The following ADAMTS18 variants were observed in gnomAD, a reference collection of about 807,000 sequenced individuals.
ADAMTS18 encodes the protein ADAM metallopeptidase with thrombospondin type 1 motif 18.
A neutral mutation model predicts 165.9 loss-of-function variants in ADAMTS18; 157 were observed. That is an observed-to-expected ratio of 0.95 (90% CI 0.83 to 1.08). The LOEUF is 1.08. Among genes scored for constraint, ADAMTS18 ranks in the 50% least tolerant of loss-of-function variants. ADAMTS18 has a pLI of 0.00. For synonymous variants in ADAMTS18, 782 were observed against 578.2 expected, an observed-to-expected ratio of 1.35 and a Z score of -5.06; for missense variants, 2,040 against 1,534.0, an observed-to-expected ratio of 1.33 and a Z score of -5.51.
chr16:77,345,847 C>T lies in ADAMTS18; in HGVS notation c.1615-4048G>A, dbSNP rs895490811. On this transcript the variant is annotated intron_variant, in intron 10 of 22. Coordinates refer to ENST00000282849, the MANE Select transcript of ADAMTS18 (RefSeq NM_199355.4). ...CAACTCAGTGTCAGTCAGCTCATGG[C>T]ACTTTTCTGCTCAAAACCCTGTTAT... 2.0e-5 allele frequency among the ~76,000 whole-genome samples: 3 copies of T among 152,170 alleles called. No individual in the cohort carries two copies. The East Asian group carries it at 5.8e-4, about 29-fold the overall frequency.
chr16:77,432,578 T>C (rs1217536097), intron 2 of ADAMTS18: 1 of 152,202 alleles, frequency 6.6e-6, no homozygotes, highest in East Asian at 1.9e-4. Flanking sequence ...ATATGCCCTC[T>C]GTGCATTAAA....
At chr16:77,403,792 AG>A (rs1267216508) in intron 3 of ADAMTS18, among the ~76,000 whole-genome samples, 1 of 152,210 alleles carries the variant, frequency 6.6e-6, no homozygotes, top group Non-Finnish European at 1.5e-5. Context: ...CAGTCTAGTG[AG>A]AGACAAATAA....
intron 12 of ADAMTS18, 97 bp from the exon 13 acceptor site, chr16:77,326,135 GC>G: frequency 8.3e-7 from 1 of 1,199,874 alleles, no homozygotes; most frequent in Non-Finnish European, 1.2e-6. Flanking sequence ...GATGAGCACT[GC>G]CACAGTGTAT....
chr16:77,427,467 A>G (rs2057688060), intron 3 of ADAMTS18, among the ~76,000 whole-genome samples: 1 of 152,216 alleles, frequency 6.6e-6, no homozygotes, highest in South Asian at 2.1e-4. Flanking sequence ...TGTGCTAGTC[A>G]GAGGGAGGCT....
chr16:77,370,207 T>C, intron 3 of ADAMTS18, among the ~76,000 whole-genome samples: 1 of 152,160 alleles, frequency 6.6e-6, no homozygotes, highest in Non-Finnish European at 1.5e-5. Flanking sequence ...CCACTTCTAT[T>C]CTACATAGTA....
At chr16:77,295,737 T>G (rs936093655) in intron 18 of ADAMTS18, among the ~76,000 whole-genome samples, 2 of 152,230 alleles carry the variant, frequency 1.3e-5, no homozygotes, top group Non-Finnish European at 2.9e-5. Flanking sequence ...CTGAATTTAG[T>G]GATAGGTTAA....
chr16:77,296,006 A>T (rs201407526), intron 18 of ADAMTS18, among the ~76,000 whole-genome samples: 1 of 98,538 alleles, frequency 1.0e-5, no homozygotes, highest in South Asian at 3.4e-4. Flanking sequence ...AGAAAAAAAA[A>T]AGTGTGTGTG....
rs781391093 is a variant in ADAMTS18, at chr16:77,367,546, G to C, written c.673C>G (p.Pro225Ala). 1.2e-6 allele frequency: 2 copies of C among 1,614,252 alleles called. No homozygotes were observed. The highest frequency in any genetic ancestry group is 3.3e-5 in the Admixed American group (2 of 60,034). ...GGAATGTGACTTGGGGAGTAACCAG[G>C]ATAATTCCGGCCAGAGCCGGGGTAG... ...RGYPGSGRNY[P>A]GYSPSHIPHA... Residue 225 changes from proline (P) to alanine (A), a missense_variant, in exon 4 of 23, where the codon CCT (proline) becomes GCT (alanine). Transcript: ENST00000282849.
At chr16:77,343,353 C>T (rs958444487) in intron 10 of ADAMTS18, among the ~76,000 whole-genome samples, 2 of 152,232 alleles carry the variant, frequency 1.3e-5, no homozygotes, top group African/African-American at 4.8e-5. Flanking sequence ...GGATTGCTCA[C>T]ATGAGCCACC....
intron 11 of ADAMTS18, 38 bp from the exon 12 acceptor site, chr16:77,335,942 C>A (rs2056303744): frequency 6.2e-7 from 1 of 1,613,740 alleles, no homozygotes; most frequent in Non-Finnish European, 8.5e-7. Context: ...CCGTCAGAGA[C>A]CACCTGGGAA....
intron 12 of ADAMTS18, among the ~76,000 whole-genome samples, chr16:77,330,240 A>C (rs1170505097): frequency 6.6e-6 from 1 of 152,212 alleles, no homozygotes; most frequent in African/African-American, 2.4e-5. Flanking sequence ...TTAGCAGACA[A>C]TTCTTTCTCA....
chr16:77,297,220 T>C, intron 18 of ADAMTS18, 69 bp downstream of exon 18: 1 of 1,591,418 alleles, frequency 6.3e-7, no homozygotes, highest in Non-Finnish European at 8.6e-7. Flanking sequence ...TGAGCTTTCA[T>C]CATCTCATAA....
chr16:77,422,262 A>G (rs2057612672), intron 3 of ADAMTS18, among the ~76,000 whole-genome samples: 4 of 152,048 alleles, frequency 2.6e-5, no homozygotes, highest in African/African-American at 9.7e-5. Context: ...TCAGCCCCAC[A>G]TACTTCTTCT....
At chr16:77,350,691 A>G (rs1258116231) in intron 10 of ADAMTS18, among the ~76,000 whole-genome samples, 1 of 152,138 alleles carries the variant, frequency 6.6e-6, no homozygotes, top group Non-Finnish European at 1.5e-5. Context: ...GCGACCCTCA[A>G]TCTTGACTGA....
chr16:77,353,727 A>G lies in ADAMTS18; in HGVS notation c.1614+6T>C, dbSNP rs1472391700. The G allele has an allele frequency of 6.2e-7, 1 of 1,614,024 alleles. No individual in the cohort carries two copies. The highest frequency in any genetic ancestry group is 1.3e-5 in the African/African-American group (1 of 74,916). On this transcript the variant is annotated splice_donor_region_variant and intron_variant, in intron 10 of 22. Transcript: ENST00000282849. The stretch of plus-strand genomic sequence containing the variant: ...AATGTAAGTTTGAAATCACAAGCAA[A>G]CATACCTTCACAAAACCAAGGCTGC...
At chr16:77,366,870 A>AT (rs1165524012) in intron 4 of ADAMTS18, among the ~76,000 whole-genome samples, 1 of 152,234 alleles carries the variant, frequency 6.6e-6, no homozygotes, top group African/African-American at 2.4e-5. Context: ...ATAAAATGTT[A>AT]TTAAAATTCA....
intron 3 of ADAMTS18, among the ~76,000 whole-genome samples, chr16:77,389,399 C>T (rs1008743671): frequency 9.9e-5 from 15 of 152,150 alleles, no homozygotes; most frequent in African/African-American, 3.6e-4. Flanking sequence ...TTGTTTGTTA[C>T]AGTTTTGTTT....
rs2056821760 is a variant in ADAMTS18, at chr16:77,367,855, C to T, written c.496-132G>A. ...GCTAAAAGCTTCACACATATTGCCT[C>T]ATTTTTATCTGCACCATTACAACGA... On this transcript the variant is annotated intron_variant, in intron 3 of 22. Transcript: ENST00000282849. 8.1e-6 allele frequency: 8 copies of T among 990,682 alleles called. No homozygotes were observed. In the Admixed American group the frequency reaches 1.5e-4, roughly 18 times the overall value. 61.4% of individuals were successfully genotyped at this position (990,682 alleles called of 1,614,324 possible).
chr16:77,385,719 G>T lies in ADAMTS18; in HGVS notation c.496-17996C>A, dbSNP rs78213651. On this transcript the variant is annotated intron_variant, in intron 3 of 22. Transcript: ENST00000282849. ...CAACCCATTGGGCAGGTGCACAGTG[G>T]AGCTGGATGATTGACAGGACTTCCC... Among the ~76,000 whole-genome samples, 784 of 152,256 alleles carry T rather than the reference G, an allele frequency of 5.1e-3. 4 individuals are homozygous for T. Among genetic ancestry groups the T allele is most frequent in the Non-Finnish European group, 9.7e-3 (658 of 68,026 alleles).
Sources: allele counts gnomAD v4.1 joint callset (sites outside exome capture counted in the v4.1 genomes callset), GRCh38; gene constraint gnomAD v4.1.1; transcripts MANE v1.5; gene names NCBI Gene and HGNC (gene_info 2026-07-23, HGNC 2026-07-21).